The following PSMA1 variants were observed in gnomAD, a reference collection of about 807,000 sequenced individuals.
The protein encoded by PSMA1 is proteasome 20S subunit alpha 1.
In PSMA1, 3 loss-of-function variants were observed where a neutral mutation model predicts 38.4. The observed-to-expected ratio is 0.08, with a 90% CI of 0.04 to 0.20. PSMA1 has a LOEUF of 0.20. Among genes scored for constraint, PSMA1 ranks in the 10% least tolerant of loss-of-function variants. PSMA1 has a pLI of 1.00. For synonymous variants in PSMA1, 101 were observed against 107.1 expected, an observed-to-expected ratio of 0.94 and a Z score of 0.35; for missense variants, 227 against 325.3, an observed-to-expected ratio of 0.70 and a Z score of 2.32.
At chr11:14,580,301 A>G (rs1260686837) in intron 2 of PSMA1, among the ~76,000 whole-genome samples, 1 of 152,182 alleles carries the variant, frequency 6.6e-6, no homozygotes, top group East Asian at 1.9e-4. Flanking sequence ...GCTATTTCTC[A>G]AACACGTCTT....
intron 2 of PSMA1, among the ~76,000 whole-genome samples, chr11:14,596,427 T>C (rs577626609): frequency 8.6e-4 from 131 of 152,324 alleles, no homozygotes; most frequent in African/African-American, 3.2e-3. Flanking sequence ...CCTTGAGCAG[T>C]GGTTTGTAGT....
At chr11:14,621,122 A>G (rs1280576040) in intron 1 of PSMA1, among the ~76,000 whole-genome samples, 2 of 152,186 alleles carry the variant, frequency 1.3e-5, no homozygotes, top group Admixed American at 6.5e-5. Context: ...TTATATGGAA[A>G]TAGTCATTTA....
upstream of PSMA1, among the ~76,000 whole-genome samples, chr11:14,524,441 C>G (rs1170857035): frequency 6.6e-6 from 1 of 152,154 alleles, no homozygotes; most frequent in East Asian, 1.9e-4. Flanking sequence ...GTAATCTCCC[C>G]CACCCTTAAG....
intron 2 of PSMA1, among the ~76,000 whole-genome samples, chr11:14,572,569 TC>T (rs1207225901): frequency 6.6e-6 from 1 of 152,058 alleles, no homozygotes; most frequent in Non-Finnish European, 1.5e-5. Flanking sequence ...GCAAGAAAGA[TC>T]TAAAATTGAC....
At position 14,631,273 on chromosome 11, in the gene PSMA1, G is replaced by A. The variant is rs1428256896; in HGVS notation, c.-166+12182C>T. Among the ~76,000 whole-genome samples, 9 of 152,068 alleles carry A rather than the reference G, an allele frequency of 5.9e-5. 1 individual carries two copies. The South Asian group carries it at 1.0e-3, about 18-fold the overall frequency. ...TTGTGATGTTAGTGTGTCAATTTTC[G>A]ATATTTCCTGCTTTCTCTTGTGGGC... On this transcript the variant is annotated intron_variant, in intron 1 of 10. Coordinates refer to the PSMA1 transcript ENST00000418988.
intron 1 of PSMA1, among the ~76,000 whole-genome samples, chr11:14,638,689 T>C (rs1213385872): frequency 6.8e-6 from 1 of 146,760 alleles, no homozygotes; most frequent in East Asian, 2.0e-4. Context: ...CAGTTTGCTT[T>C]TGCTGCCTCC....
At chr11:14,515,451 TGA>T (rs1851408249) in intron 4 of PSMA1, among the ~76,000 whole-genome samples, 1 of 152,250 alleles carries the variant, frequency 6.6e-6, no homozygotes, top group African/African-American at 2.4e-5. Context: ...ATAAAATGTT[TGA>T]TAATATAATA....
chr11:14,539,059 T>C (rs1851742733), intron 2 of PSMA1, among the ~76,000 whole-genome samples: 1 of 152,214 alleles, frequency 6.6e-6, no homozygotes. Context: ...TGGCAGCCAT[T>C]GTTTTCTTAT....
chr11:14,558,151 G>A lies in PSMA1; in HGVS notation c.22-39110C>T, dbSNP rs922000688. ...AATCTACCTTGGCATGGTGGCTCACGGCTGTAATCCCAGCACTCAGGGAGG... is the reference window on the plus strand; with the variant it reads ...AATCTACCTTGGCATGGTGGCTCACAGCTGTAATCCCAGCACTCAGGGAGG... On this transcript the variant is annotated intron_variant, in intron 2 of 10. Coordinates refer to the PSMA1 transcript ENST00000418988. Among the ~76,000 whole-genome samples the A allele has an allele frequency of 5.0e-4, 75 of 151,358 alleles. No individual in the cohort carries two copies. In the East Asian group the frequency reaches 0.011, roughly 22 times the overall value.
intron 8 of PSMA1, 100 bp from the exon 9 acceptor site, chr11:14,507,866 A>T (rs903413152): frequency 6.2e-6 from 5 of 808,578 alleles, no homozygotes; most frequent in Non-Finnish European, 9.9e-6. Flanking sequence ...GAATTTATAT[A>T]GCATTTGAAT....
At chr11:14,612,753 A>G (rs1419295892) in intron 1 of PSMA1, among the ~76,000 whole-genome samples, 3 of 152,174 alleles carry the variant, frequency 2.0e-5, no homozygotes, top group Non-Finnish European at 2.9e-5. Flanking sequence ...TTAGTCATTT[A>G]GAGTAGGCTA....
chr11:14,625,227 T>A (rs1852896486), intron 1 of PSMA1, among the ~76,000 whole-genome samples: 1 of 152,174 alleles, frequency 6.6e-6, no homozygotes, highest in African/African-American at 2.4e-5. Context: ...GGCAGGCAGA[T>A]CACCTGAAGT....
upstream of PSMA1, among the ~76,000 whole-genome samples, chr11:14,521,857 T>C (rs180978755): frequency 6.6e-6 from 1 of 152,276 alleles, no homozygotes; most frequent in Non-Finnish European, 1.5e-5. Context: ...GAGGTTACCT[T>C]CTCTAATTCA....
intron 2 of PSMA1, among the ~76,000 whole-genome samples, chr11:14,589,365 ATGTGTGTG>A (rs10641474): frequency 6.8e-6 from 1 of 147,578 alleles, no homozygotes; most frequent in Non-Finnish European, 1.5e-5. Context: ...ATATATATAT[ATGTGTGTG>A]TGTGTGTGTG....
chr11:14,537,512 A>G (rs544787124), intron 2 of PSMA1, among the ~76,000 whole-genome samples: 1 of 151,562 alleles, frequency 6.6e-6, no homozygotes, highest in African/African-American at 2.4e-5. Context: ...CATGAATGAT[A>G]CAGAGTAGGA....
chr11:14,572,834 T>C (rs1589996264), intron 2 of PSMA1, among the ~76,000 whole-genome samples: 1 of 152,216 alleles, frequency 6.6e-6, no homozygotes, highest in Admixed American at 6.5e-5. Context: ...AAAGGGGATA[T>C]TACCACCAAT....
At chr11:14,505,291 T>C in intron 9 of PSMA1, 43 bp from the exon 10 acceptor site, 1 of 1,447,862 alleles carries the variant, frequency 6.9e-7, no homozygotes, top group Non-Finnish European at 9.7e-7. Flanking sequence ...AAATGAACAC[T>C]TGATCAATAT....
intron 2 of PSMA1, among the ~76,000 whole-genome samples, chr11:14,562,069 C>T (rs1693469222): frequency 1.3e-5 from 2 of 152,198 alleles, no homozygotes; most frequent in South Asian, 4.1e-4. Context: ...CCGCTTCTAC[C>T]TTTAAGACTG....
intron 1 of PSMA1, among the ~76,000 whole-genome samples, chr11:14,627,730 A>G (rs1852932273): frequency 6.6e-6 from 1 of 152,158 alleles, no homozygotes; most frequent in Non-Finnish European, 1.5e-5. Flanking sequence ...GCTTCATAAT[A>G]TTTTTATTGT....
Sources: gnomAD v4.1 joint callset for allele counts (sites outside exome capture counted in the v4.1 genomes callset) on GRCh38, gnomAD v4.1.1 for gene constraint, MANE v1.5 for transcripts, NCBI Gene and HGNC (gene_info 2026-07-23, HGNC 2026-07-21) for gene names.